Variants in ATXN7L1 observed in about 807,000 individuals in gnomAD.
ATXN7L1 encodes the protein ataxin-7-like protein 1.
ATXN7L1 carries 15 observed loss-of-function variants against 70.8 expected under a neutral mutation model. The ratio of observed to expected loss-of-function variants is 0.21; its 90% CI spans 0.14 to 0.33. ATXN7L1 has a LOEUF of 0.33. Among genes scored for constraint, ATXN7L1 ranks in the 10% least tolerant of loss-of-function variants. The pLI is 1.00. For synonymous variants in ATXN7L1, 440 were observed against 445.1 expected (o/e 0.99, Z 0.14); for missense variants, 975 against 1,097.1 (o/e 0.89, Z 1.57).
rs1308498714 is a variant in ATXN7L1 at position 105,619,429 on chromosome 7, G to A, written c.1517+771C>T. ...CTCACAAAGTGCCAGGATTATAGGCGTGAGCCACCGTGCCTGGCTGAAATC... is the reference window on the plus strand; with the variant it reads ...CTCACAAAGTGCCAGGATTATAGGCATGAGCCACCGTGCCTGGCTGAAATC... On this transcript the variant is annotated intron_variant, in intron 9 of 11. Transcript: ENST00000419735. 7.0e-4 allele frequency among the ~76,000 whole-genome samples: 97 copies of A among 138,722 alleles called. 2 individuals carry two copies. Among genetic ancestry groups the A allele is most frequent in the African/African-American group, 2.4e-3 (91 of 37,498 alleles). The allele number at this position is 138,722 out of a possible 152,430, so 91.0% of individuals were successfully genotyped here.
intron 3 of ATXN7L1, among the ~76,000 whole-genome samples, chr7:105,738,547 C>T (rs1797666547): frequency 6.6e-6 from 1 of 152,352 alleles, no homozygotes; most frequent in South Asian, 2.1e-4. Flanking sequence ...ACTGATTTAA[C>T]TTGTAAAAGA....
At chr7:105,790,655 A>ACTG (rs1805055128) in intron 2 of ATXN7L1, among the ~76,000 whole-genome samples, 1 of 121,336 alleles carries the variant, frequency 8.2e-6, no homozygotes, top group Admixed American at 8.6e-5. Context: ...TCTATCTATC[A>ACTG]TCTATCTACT....
At chr7:105,864,940 T>G (rs912205249) in intron 2 of ATXN7L1, among the ~76,000 whole-genome samples, 1 of 152,132 alleles carries the variant, frequency 6.6e-6, no homozygotes, top group African/African-American at 2.4e-5. Context: ...CAGCCCCAGA[T>G]TCACTCTTGA....
chr7:105,662,136 C>T (rs1801812223), intron 4 of ATXN7L1, among the ~76,000 whole-genome samples: 1 of 144,694 alleles, frequency 6.9e-6, no homozygotes, highest in Non-Finnish European at 1.5e-5. Flanking sequence ...AGAGTCTTGC[C>T]CTGTTGCCCA....
chr7:105,618,584 C>A (rs1382188426), intron 9 of ATXN7L1, among the ~76,000 whole-genome samples: 7 of 152,110 alleles, frequency 4.6e-5, no homozygotes. Flanking sequence ...GAGGAGGAAT[C>A]CTGGAAGAGG....
chr7:105,763,391 C>T (rs1173210820), intron 3 of ATXN7L1, among the ~76,000 whole-genome samples: 1 of 152,182 alleles, frequency 6.6e-6, no homozygotes, highest in Non-Finnish European at 1.5e-5. Context: ...CCTGGGTTTG[C>T]AATTCCACTC....
At chr7:105,747,961 A>C (rs1200345175) in intron 3 of ATXN7L1, among the ~76,000 whole-genome samples, 1 of 152,116 alleles carries the variant, frequency 6.6e-6, no homozygotes, top group Non-Finnish European at 1.5e-5. Flanking sequence ...CTCTACTAAA[A>C]ATACAAAATT....
At chr7:105,794,790 G>C (rs1805752935) in intron 2 of ATXN7L1, among the ~76,000 whole-genome samples, 1 of 152,160 alleles carries the variant, frequency 6.6e-6, no homozygotes, top group South Asian at 2.1e-4. Flanking sequence ...TAGGTTACTG[G>C]AGTTCTTTCC....
At chr7:105,792,678 T>C (rs1805426348) in intron 2 of ATXN7L1, among the ~76,000 whole-genome samples, 1 of 152,220 alleles carries the variant, frequency 6.6e-6, no homozygotes, top group African/African-American at 2.4e-5. Flanking sequence ...ACATGTCGTT[T>C]TCCAATTTCA....
intron 4 of ATXN7L1, among the ~76,000 whole-genome samples, chr7:105,663,171 G>A (rs1384461327): frequency 1.3e-5 from 2 of 152,342 alleles, no homozygotes; most frequent in Non-Finnish European, 2.9e-5. Context: ...GTGACTGGGA[G>A]ACTCACATCG....
Position 105,629,672 on chromosome 7 carries a change from C to T in ATXN7L1, c.1203-5405G>A, listed in dbSNP as rs1488803795. On this transcript the variant is annotated intron_variant, in intron 7 of 11. Coordinates refer to ENST00000419735, the MANE Select transcript of ATXN7L1 (RefSeq NM_020725.2). The stretch of plus-strand genomic sequence containing the variant: ...CTGGGACTACAGGCACCTGCCACCA[C>T]GCCCGGCTAATTTTTTTGTATTTTT... 5.9e-5 allele frequency among the ~76,000 whole-genome samples: 9 copies of T among 151,290 alleles called. No individual in the cohort carries two copies. In the South Asian group the frequency reaches 8.3e-4, roughly 14 times the overall value.
At chr7:105,748,795 G>T (rs1798867230) in intron 3 of ATXN7L1, among the ~76,000 whole-genome samples, 2 of 152,218 alleles carry the variant, frequency 1.3e-5, no homozygotes, top group Admixed American at 1.3e-4. Context: ...TGTCTCTAGA[G>T]CTGGGCCCAC....
At chr7:105,760,651 C>T in intron 3 of ATXN7L1, 9 of 742,320 alleles carry the variant, frequency 1.2e-5, no homozygotes, top group South Asian at 1.2e-4. Context: ...TTAAACATTT[C>T]TGTTCACACA....
At position 105,760,992 on chromosome 7, in the gene ATXN7L1, G is replaced by A. The variant is rs1800462065; in HGVS notation, c.355+27612C>T. 1.6e-5 allele frequency: 4 copies of A among 243,012 alleles called. No individual in the cohort carries two copies. In the South Asian group the frequency reaches 4.5e-4, roughly 27 times the overall value. 15.1% of individuals were successfully genotyped at this position (243,012 alleles called of 1,614,324 possible). On this transcript the variant is annotated intron_variant, in intron 3 of 11. Transcript: ENST00000419735. ...TTTACTTTTAGCTTAAGAGCAAAGG[G>A]AAGCCACAAGTCAAGAGAATGACAT...
At chr7:105,730,687 A>G (rs1339625690) in intron 3 of ATXN7L1, among the ~76,000 whole-genome samples, 2 of 151,954 alleles carry the variant, frequency 1.3e-5, no homozygotes, top group South Asian at 2.1e-4. Flanking sequence ...AGCTGAGATC[A>G]CACCAGTGCA....
intron 3 of ATXN7L1, among the ~76,000 whole-genome samples, chr7:105,771,250 T>G (rs1801970369): frequency 7.0e-6 from 1 of 142,092 alleles, no homozygotes; most frequent in Admixed American, 6.9e-5. Flanking sequence ...ACAGACCTAC[T>G]GAATTGAATC....
chr7:105,799,501 C>T (rs753751641), intron 2 of ATXN7L1, among the ~76,000 whole-genome samples: 3 of 152,128 alleles, frequency 2.0e-5, no homozygotes, highest in Admixed American at 2.0e-4. Context: ...CCATGGTGGG[C>T]GAGAGACCTC....
chr7:105,736,312 G>A (rs1797368141), intron 3 of ATXN7L1, among the ~76,000 whole-genome samples: 1 of 152,222 alleles, frequency 6.6e-6, no homozygotes, highest in African/African-American at 2.4e-5. Context: ...TGCTTGCCAC[G>A]TGTGCTTAAT....
intron 9 of ATXN7L1, among the ~76,000 whole-genome samples, chr7:105,615,498 G>A (rs1237150093): frequency 6.6e-6 from 1 of 152,226 alleles, no homozygotes; most frequent in Non-Finnish European, 1.5e-5. Flanking sequence ...GCCGTGGAGG[G>A]TTAGGGGTTT....
Sources: gnomAD v4.1 joint callset for allele counts (sites outside exome capture counted in the v4.1 genomes callset) on GRCh38, gnomAD v4.1.1 for gene constraint, MANE v1.5 for transcripts, NCBI Gene and HGNC (gene_info 2026-07-23, HGNC 2026-07-21) for gene names.